The following DOCK10 variants were observed in gnomAD, a reference collection of about 807,000 sequenced individuals.
DOCK10 encodes dedicator of cytokinesis protein 10.
Under a neutral mutation model 280.1 loss-of-function variants are expected in DOCK10, and 145 were observed. The ratio of observed to expected loss-of-function variants is 0.52; its 90% CI spans 0.45 to 0.59. The LOEUF (loss-of-function observed/expected upper bound fraction) is 0.59. Ranked by LOEUF, DOCK10 falls within the 20% of genes least tolerant of loss-of-function variation. The pLI is 0.00. For synonymous variants in DOCK10, 915 were observed against 942.2 expected (o/e 0.97, Z 0.53); for missense variants, 2,368 against 2,651.7 (o/e 0.89, Z 2.35).
At chr2:224,969,479 T>C (rs978953827) in intron 1 of DOCK10, among the ~76,000 whole-genome samples, 3 of 152,216 alleles carry the variant, frequency 2.0e-5, no homozygotes, top group African/African-American at 4.8e-5. Context: ...ATGAGACTTT[T>C]TATTCCCCAC....
intron 3 of DOCK10, among the ~76,000 whole-genome samples, chr2:224,912,934 GA>G (rs1701113118): frequency 6.6e-6 from 1 of 152,202 alleles, no homozygotes; most frequent in South Asian, 2.1e-4. Context: ...GCTAAAGCAG[GA>G]AAATCGCTTG....
At chr2:224,766,405 A>G (rs1284489681) in intron 55 of DOCK10, among the ~76,000 whole-genome samples, 1 of 152,172 alleles carries the variant, frequency 6.6e-6, no homozygotes, top group African/African-American at 2.4e-5. Context: ...AGATTTTCCC[A>G]CTAACTTCAC....
rs58703989 is a variant in DOCK10 at position 224,917,084 on chromosome 2, C to G, written c.244-300G>C. ...AGGCATCTATATGTTTTCAATTTAG[C>G]TGATTTCTATTGGAATCTTTTTTTT... On this transcript the variant is annotated intron_variant, in intron 2 of 55. Coordinates refer to ENST00000258390, the MANE Select transcript of DOCK10 (RefSeq NM_014689.3). 0.017 allele frequency among the ~76,000 whole-genome samples: 2,296 copies of G among 133,788 alleles called. 166 individuals are homozygous for G. The East Asian group carries it at 0.24, about 14-fold the overall frequency. 87.8% of individuals were successfully genotyped at this position (133,788 alleles called of 152,430 possible). A position where few individuals can be genotyped will look rare whatever the true frequency, so the allele number is the denominator to read the frequency against.
At position 224,786,903 on chromosome 2, in the gene DOCK10, A is replaced by G. The variant is rs1691768672; in HGVS notation, c.5655+119T>C. On this transcript the variant is annotated intron_variant, in intron 50 of 55. Coordinates refer to ENST00000258390, the MANE Select transcript of DOCK10 (RefSeq NM_014689.3). The surrounding 1 kb of genome is among the most constrained non-coding windows in gnomAD (Gnocchi z 4.7). ...CACATCCAGAGAAACACTCAAGTATAGTCAGACACACCCACACCTCTCCAT... is the reference window on the plus strand; with the variant it reads ...CACATCCAGAGAAACACTCAAGTATGGTCAGACACACCCACACCTCTCCAT... 1 of 743,282 alleles carries G rather than the reference A, an allele frequency of 1.3e-6. No individual in the cohort carries two copies. Among genetic ancestry groups the G allele is most frequent in the African/African-American group, 1.7e-5 (1 of 57,940 alleles). 46.0% of individuals were successfully genotyped at this position (743,282 alleles called of 1,614,324 possible).
At chr2:224,808,716 C>A (rs901735945) in intron 31 of DOCK10, among the ~76,000 whole-genome samples, 4 of 152,090 alleles carry the variant, frequency 2.6e-5, no homozygotes, top group Admixed American at 2.6e-4. Context: ...GGTCCCTCTC[C>A]ATTTGTATTT....
intron 50 of DOCK10, among the ~76,000 whole-genome samples, chr2:224,783,180 G>T (rs965577222): frequency 1.3e-5 from 2 of 152,164 alleles, no homozygotes; most frequent in Non-Finnish European, 2.9e-5. Flanking sequence ...TTGTTCAAAG[G>T]TGGCTGAGTT....
intron 1 of DOCK10, among the ~76,000 whole-genome samples, chr2:224,984,136 C>T (rs1472534233): frequency 3.9e-5 from 6 of 151,982 alleles, no homozygotes; most frequent in African/African-American, 9.7e-5. Context: ...ATATCTCTCT[C>T]CAATCACTTC....
intron 1 of DOCK10, among the ~76,000 whole-genome samples, chr2:224,948,411 GTC>G (rs1703546815): frequency 6.6e-6 from 1 of 152,182 alleles, no homozygotes; most frequent in African/African-American, 2.4e-5. Context: ...TTGATCCCTG[GTC>G]ATTTGATATT....
intron 1 of DOCK10, among the ~76,000 whole-genome samples, chr2:225,023,186 C>G (rs777101713): frequency 1.3e-5 from 2 of 152,044 alleles, no homozygotes; most frequent in Non-Finnish European, 2.9e-5. Context: ...CAGGCGCCCA[C>G]CACCACGCCT....
At chr2:224,801,827 A>G in intron 40 of DOCK10, 89 bp downstream of exon 40, 1 of 1,381,374 alleles carries the variant, frequency 7.2e-7, no homozygotes, top group Non-Finnish European at 1.0e-6. Context: ...GCAAACCTTA[A>G]AAACTGTGGT....
At chr2:224,937,997 G>T (rs1485984260) in intron 1 of DOCK10, among the ~76,000 whole-genome samples, 2 of 152,170 alleles carry the variant, frequency 1.3e-5, no homozygotes, top group Non-Finnish European at 2.9e-5. Context: ...AATCCCTCGT[G>T]ACTGAGGACC....
chr2:224,839,154 C>T lies in DOCK10; in HGVS notation c.2780+800G>A, dbSNP rs111954537. Among the ~76,000 whole-genome samples, 591 of 152,096 alleles carry T rather than the reference C, an allele frequency of 3.9e-3. 1 individual carries two copies. The highest frequency in any genetic ancestry group is 0.01 in the African/African-American group (427 of 41,438). On this transcript the variant is annotated intron_variant, in intron 24 of 55. Coordinates refer to ENST00000258390, the MANE Select transcript of DOCK10 (RefSeq NM_014689.3). ...AGTGCAGTGGTGCAATCTCAGCTCACTGCAAGCTCCGCCTCCTGGGTTCAT... is the reference window on the plus strand; with the variant it reads ...AGTGCAGTGGTGCAATCTCAGCTCATTGCAAGCTCCGCCTCCTGGGTTCAT...
intron 1 of DOCK10, among the ~76,000 whole-genome samples, chr2:224,950,280 A>G (rs566336000): frequency 1.6e-4 from 25 of 152,318 alleles, no homozygotes; most frequent in Admixed American, 5.2e-4. Flanking sequence ...CTAGCAATTA[A>G]ATAAAAAATG....
In DOCK10 at chr2:224,852,984, T is replaced by TA; in HGVS notation, c.2026dup (p.Tyr676LeufsTer10). ...ATACTTGAGGTGTTTGGGGTAAATATAAATTTGATTTTTATATACTCTGTA... is the reference window on the plus strand; with the variant it reads ...ATACTTGAGGTGTTTGGGGTAAATATAAAATTTGATTTTTATATACTCTGTA... On this transcript the variant is annotated frameshift_variant, in exon 17 of 56. Transcript: ENST00000258390. LOFTEE classifies it high-confidence loss of function. 1 of 1,610,238 alleles carries TA rather than the reference T, an allele frequency of 6.2e-7. No homozygotes were observed. The highest frequency in any genetic ancestry group is 8.5e-7 in the Non-Finnish European group (1 of 1,177,696).
In DOCK10 at chr2:224,797,151, A is replaced by G. The variant is rs772005560; in HGVS notation, c.4645-5T>C. On this transcript the variant is annotated splice_region_variant and splice_polypyrimidine_tract_variant and intron_variant, in intron 42 of 55. Coordinates refer to ENST00000258390, the MANE Select transcript of DOCK10 (RefSeq NM_014689.3). ...TTGAAAGAACGCTGAAGGAAACTGC[A>G]GAAATGGAAGAACGGGTGAAGGGAG... is the stretch of plus-strand genomic sequence containing the variant. The G allele has an allele frequency of 2.5e-6, 4 of 1,594,890 alleles. No individual in the cohort carries two copies. Among genetic ancestry groups the G allele is most frequent in the Non-Finnish European group, 3.4e-6 (4 of 1,170,728 alleles).
At chr2:224,780,175 G>A (rs184018880) in intron 50 of DOCK10, among the ~76,000 whole-genome samples, 72 of 152,294 alleles carry the variant, frequency 4.7e-4, no homozygotes, top group African/African-American at 1.7e-3. Flanking sequence ...ACCCCAAACT[G>A]CTACAAAGTG....
In DOCK10 at chr2:224,957,291, C is replaced by CCCCA. The variant is rs1553622563; in HGVS notation, c.124-25624_124-25623insTGGG. Among the ~76,000 whole-genome samples the CCCCA allele has an allele frequency of 1.4e-5, 2 of 146,100 alleles. 1 individual carries two copies. Among genetic ancestry groups the CCCCA allele is most frequent in the Non-Finnish European group, 3.0e-5 (2 of 66,668 alleles). The stretch of plus-strand genomic sequence containing the variant: ...TATTTAGTTTTTACTTTCCGCCCCC[C>CCCCA]CCCGGCTTTGTTTTTCGGAGATGGG... On this transcript the variant is annotated intron_variant, in intron 1 of 55. Coordinates refer to ENST00000258390, the MANE Select transcript of DOCK10 (RefSeq NM_014689.3).
intron 14 of DOCK10, among the ~76,000 whole-genome samples, chr2:224,858,979 T>C (rs1697329981): frequency 6.6e-6 from 1 of 152,186 alleles, no homozygotes; most frequent in Non-Finnish European, 1.5e-5. Flanking sequence ...ATTTTTTGTG[T>C]GTGTGTGGCT....
At chr2:224,916,952 G>A (rs12987341) in intron 2 of DOCK10, among the ~76,000 whole-genome samples, 168 bp from the exon 3 acceptor site, 35,893 of 151,938 alleles carry the variant, frequency 0.24, 4,751 homozygotes, top group South Asian at 0.33. Flanking sequence ...GAGAGAAGAT[G>A]TGGACATTTA....
Sources: allele counts gnomAD v4.1 joint callset (sites outside exome capture counted in the v4.1 genomes callset), GRCh38; gene constraint gnomAD v4.1.1; non-coding constraint Gnocchi (gnomAD v3.1); transcripts MANE v1.5; gene names NCBI Gene and HGNC (gene_info 2026-07-23, HGNC 2026-07-21).